The following GPT2 variants were observed in gnomAD, a reference collection of about 807,000 sequenced individuals.
The protein encoded by GPT2 is alanine aminotransferase 2.
In GPT2, 30 loss-of-function variants were observed where a neutral mutation model predicts 56.9. The ratio of observed to expected loss-of-function variants is 0.53; its 90% CI spans 0.39 to 0.72. GPT2 has a LOEUF of 0.72. GPT2 is among the 30% of genes least tolerant of loss of function. GPT2 has a pLI of 0.00. For missense variants in GPT2, 542 were observed against 703.4 expected, an observed-to-expected ratio of 0.77 and a Z score of 2.60; for synonymous variants, 271 against 283.1, an observed-to-expected ratio of 0.96 and a Z score of 0.43.
In GPT2 at chr16:46,930,576, C is replaced by A. The variant is rs1028050501; in HGVS notation, c.*1579C>A. 4.6e-5 allele frequency: 7 copies of A among 152,310 alleles called. No individual in the cohort carries two copies. The highest frequency in any genetic ancestry group is 1.7e-4 in the African/African-American group (7 of 41,456). 9.4% of individuals were successfully genotyped at this position (152,310 alleles called of 1,614,324 possible). On this transcript the variant is annotated 3_prime_UTR_variant, in exon 12 of 12. Transcript: ENST00000340124. ...AAAAGGGAATGTTCTAAAACTTTTT[C>A]TTCCTTAAAAAATGGAGAAAATTGC...
rs748936020 is a variant in GPT2, at chr16:46,897,728, C to T, written c.324C>T (p.Phe108=). The T allele has an allele frequency of 2.0e-5, 32 of 1,613,834 alleles. No individual in the cohort carries two copies. Among genetic ancestry groups the T allele is most frequent in the Admixed American group, 3.3e-5 (2 of 59,996 alleles). ...CTATGGGGCAGCAGCCAATCACCTT[C>T]CTCCGGCAGGTGAGCCGCCCCCAGG... is the stretch of plus-strand genomic sequence containing the variant. The part of the protein sequence containing the change: ...AQAMGQQPIT[F]LRQVMALCTY... The change falls in exon 3 of 12, where the codon TTC becomes TTT. Residue 108 remains phenylalanine (F), a synonymous_variant. Transcript: ENST00000340124.
At chr16:46,918,991 CAG>C (rs1961227938) in intron 8 of GPT2, among the ~76,000 whole-genome samples, 1 of 152,218 alleles carries the variant, frequency 6.6e-6, no homozygotes, top group Non-Finnish European at 1.5e-5. Flanking sequence ...GGAGTGGAAA[CAG>C]GACTACATGG....
At position 46,931,143 on chromosome 16, in the gene GPT2, C is replaced by G. The variant is rs939981716; in HGVS notation, c.*2146C>G. ...AGAGGCTTGCCTGGCTATTCCTGTTCTGGTGTGTGTGGAGTGTTGGGGAGG... is the reference window on the plus strand; with the variant it reads ...AGAGGCTTGCCTGGCTATTCCTGTTGTGGTGTGTGTGGAGTGTTGGGGAGG... On this transcript the variant is annotated 3_prime_UTR_variant, in exon 12 of 12. Coordinates refer to ENST00000340124, the MANE Select transcript of GPT2 (RefSeq NM_133443.4). 6.6e-6 allele frequency: 1 copy of G among 152,282 alleles called. No individual in the cohort carries two copies. The highest frequency in any genetic ancestry group is 1.9e-4 in the East Asian group (1 of 5,200). 9.4% of individuals were successfully genotyped at this position (152,282 alleles called of 1,614,324 possible).
chr16:46,900,864 A>C (rs1406435389), intron 4 of GPT2, 74 bp downstream of exon 4: 4 of 1,249,924 alleles, frequency 3.2e-6, no homozygotes, highest in Non-Finnish European at 4.7e-6. Context: ...CCTCAAGCGG[A>C]GGGTCCTGCA....
chr16:46,916,515 C>G, intron 6 of GPT2, 113 bp from the exon 7 acceptor site: 1 of 806,580 alleles, frequency 1.2e-6, no homozygotes, highest in Middle Eastern at 2.3e-4. Context: ...GGAGGGTGTT[C>G]TATGGGTCTC....
intron 5 of GPT2, among the ~76,000 whole-genome samples, chr16:46,907,713 G>A (rs1359709337): frequency 6.6e-6 from 1 of 152,240 alleles, no homozygotes; most frequent in Non-Finnish European, 1.5e-5. Flanking sequence ...CTGAGGATTT[G>A]GGTCATTGTG....
rs1188667689 is a variant in GPT2 at position 46,909,743 on chromosome 16, C to G, written c.636C>G (p.Pro212=). Residue 212 remains proline, a synonymous_variant, in exon 6 of 12, where the codon CCC becomes CCG. Coordinates refer to ENST00000340124, the MANE Select transcript of GPT2 (RefSeq NM_133443.4). ...AGTCACGGACAGGTGTGATGATCCC[C>G]ATCCCACAATATCCCCTCTATTCAG... ...GGKSRTGVMI[P]IPQYPLYSAV... 1 of 1,614,120 alleles carries G rather than the reference C, an allele frequency of 6.2e-7. No individual in the cohort carries two copies.
intron 10 of GPT2, among the ~76,000 whole-genome samples, chr16:46,925,227 G>GT (rs957455156): frequency 2.6e-4 from 39 of 147,984 alleles, no homozygotes; most frequent in South Asian, 1.9e-3. Flanking sequence ...TTTGTTTTTT[G>GT]TTTTTTTTTT....
intron 6 of GPT2, 68 bp from the exon 7 acceptor site, chr16:46,916,560 G>A: frequency 8.4e-7 from 1 of 1,185,088 alleles, no homozygotes; most frequent in South Asian, 1.2e-5. Context: ...TTCTGGATGG[G>A]CTTCTGACCT....
At chr16:46,914,924 T>C (rs1464199358) in intron 6 of GPT2, among the ~76,000 whole-genome samples, 1 of 152,116 alleles carries the variant, frequency 6.6e-6, no homozygotes, top group Admixed American at 6.5e-5. Context: ...TCCTGCTCTT[T>C]GTTTTATTTT....
intron 5 of GPT2, 95 bp downstream of exon 5, chr16:46,907,070 A>C: frequency 3.8e-6 from 6 of 1,562,996 alleles, no homozygotes; most frequent in Non-Finnish European, 5.2e-6. Flanking sequence ...GCTAGCAGGG[A>C]GGGTGGCAGC....
chr16:46,889,179 C>T (rs1390165943), intron 2 of GPT2, among the ~76,000 whole-genome samples: 1 of 151,530 alleles, frequency 6.6e-6, no homozygotes, highest in Non-Finnish European at 1.5e-5. Flanking sequence ...AGGCGTATGC[C>T]ACCACGTCTG....
chr16:46,885,071 T>A, intron 2 of GPT2, 113 bp downstream of exon 2: 1 of 1,355,044 alleles, frequency 7.4e-7, no homozygotes, highest in Non-Finnish European at 9.5e-7. Context: ...AGCTCCTCAG[T>A]CAGCCAAGCC....
chr16:46,911,108 C>T (rs1961038973), intron 6 of GPT2, among the ~76,000 whole-genome samples: 1 of 152,038 alleles, frequency 6.6e-6, no homozygotes, highest in South Asian at 2.1e-4. Flanking sequence ...ACCTTTAAGG[C>T]CTGAGAGGAA....
rs1960436966 is a variant in GPT2, at chr16:46,884,373, CGGGCGCG to C, written c.-113_-107del. The C allele has an allele frequency of 5.5e-6, 1 of 182,192 alleles. No homozygotes were observed. The highest frequency in any genetic ancestry group is 1.7e-4 in the South Asian group (1 of 5,858). 11.3% of individuals were successfully genotyped at this position (182,192 alleles called of 1,614,324 possible). A position where few individuals can be genotyped will look rare whatever the true frequency, so the allele number is the denominator to read the frequency against. On this transcript the variant is annotated 5_prime_UTR_variant, in exon 1 of 12. Transcript: ENST00000340124. Reference sequence around the variant, plus strand: ...CGCAGGGGCCGGGCGGCGCGGGCGCCGGGCGCGGGGATGCGGCTGTGGGCGCCGGGGC... The same window carrying C: ...CGCAGGGGCCGGGCGGCGCGGGCGCCGGGATGCGGCTGTGGGCGCCGGGGC...
intron 11 of GPT2, 86 bp from the exon 12 acceptor site, chr16:46,928,821 C>A: frequency 1.0e-6 from 1 of 997,970 alleles, no homozygotes; most frequent in Non-Finnish European, 1.6e-6. Flanking sequence ...CTCCCTCTTC[C>A]ATTCCTAGAG....
chr16:46,896,317 G>T (rs1262388594), intron 2 of GPT2, among the ~76,000 whole-genome samples: 3 of 152,144 alleles, frequency 2.0e-5, no homozygotes, highest in Non-Finnish European at 4.4e-5. Flanking sequence ...CAGCAGCCAT[G>T]GTGTCCTTCT....
chr16:46,928,692 T>G (rs933570210), intron 11 of GPT2, among the ~76,000 whole-genome samples: 1 of 152,158 alleles, frequency 6.6e-6, no homozygotes, highest in Non-Finnish European at 1.5e-5. Flanking sequence ...CTGCTCCAGT[T>G]TATTGCTTTT....
chr16:46,885,215 G>A, intron 2 of GPT2: 1 of 1,242,130 alleles, frequency 8.1e-7, no homozygotes, highest in Non-Finnish European at 1.0e-6. Flanking sequence ...CGTGCTGCCA[G>A]GCACCGCACG....
Sources: gnomAD v4.1 joint callset for allele counts (sites outside exome capture counted in the v4.1 genomes callset) on GRCh38, gnomAD v4.1.1 for gene constraint, MANE v1.5 for transcripts, NCBI Gene and HGNC (gene_info 2026-07-23, HGNC 2026-07-21) for gene names.